GRIK2: variants seen among roughly 807,000 people sequenced by gnomAD.
The protein encoded by GRIK2 is glutamate receptor ionotropic, kainate 2.
In GRIK2, 32 loss-of-function variants were observed where a neutral mutation model predicts 100.3. That is an observed-to-expected ratio of 0.32 (90% confidence interval 0.24 to 0.43). The LOEUF is 0.43. Among genes scored for constraint, GRIK2 ranks in the 20% least tolerant of loss-of-function variants. The probability of loss-of-function intolerance (pLI) is 1.00; values close to 1 mark genes in which losing one functional copy is unlikely to be tolerated. For synonymous variants in GRIK2, 417 were observed against 389.4 expected (o/e 1.07, Z -0.83); for missense variants, 843 against 1,114.9 (o/e 0.76, Z 3.47).
chr6:101,598,043 G>T (rs1220909330), intron 2 of GRIK2, among the ~76,000 whole-genome samples: 1 of 151,746 alleles, frequency 6.6e-6, no homozygotes, highest in Admixed American at 6.6e-5. Flanking sequence ...AGTTATGACA[G>T]AATGTACTGA....
At chr6:101,743,759 A>G (rs1583058993) in intron 7 of GRIK2, among the ~76,000 whole-genome samples, 1 of 152,286 alleles carries the variant, frequency 6.6e-6, no homozygotes, top group Admixed American at 6.5e-5. Context: ...TAAAAATTTC[A>G]GATACTTAAA....
intron 7 of GRIK2, among the ~76,000 whole-genome samples, chr6:101,689,827 T>A (rs1185242522): frequency 1.3e-5 from 2 of 152,150 alleles, no homozygotes; most frequent in African/African-American, 4.8e-5. Flanking sequence ...ATTGTAAAAC[T>A]CTTTCCATAC....
At chr6:101,551,810 T>C (rs1776523619) in intron 2 of GRIK2, among the ~76,000 whole-genome samples, 1 of 152,162 alleles carries the variant, frequency 6.6e-6, no homozygotes, top group African/African-American at 2.4e-5. Context: ...AATTCTATCT[T>C]GTCACAAAAG....
intron 14 of GRIK2, among the ~76,000 whole-genome samples, chr6:102,020,318 G>A (rs1220750908): frequency 6.6e-6 from 1 of 151,816 alleles, no homozygotes; most frequent in East Asian, 1.9e-4. Context: ...ATAGCTTTAG[G>A]GTTCACTGCA....
chr6:101,874,416 G>A (rs1355101536), intron 11 of GRIK2, among the ~76,000 whole-genome samples: 6 of 151,994 alleles, frequency 3.9e-5, no homozygotes, highest in Non-Finnish European at 8.8e-5. Context: ...TTGATGTGTG[G>A]TATTATTTGT....
chr6:101,498,809 T>G lies in GRIK2; in HGVS notation c.115+99417T>G, dbSNP rs192386842. Among the ~76,000 whole-genome samples, 923 of 152,290 alleles carry G rather than the reference T, an allele frequency of 6.1e-3. 8 individuals are homozygous for G. The highest frequency in any genetic ancestry group is 0.021 in the African/African-American group (886 of 41,562). ...GTAGATTGCAAAAATTGTCTCCCAT[T>G]TTGTAGGTTGCCTGTTCACTCTGAT... On this transcript the variant is annotated intron_variant, in intron 2 of 16. Transcript: ENST00000369134.
chr6:101,405,830 T>C (rs1191873189), intron 2 of GRIK2, among the ~76,000 whole-genome samples: 1 of 152,200 alleles, frequency 6.6e-6, no homozygotes, highest in Non-Finnish European at 1.5e-5. Context: ...CGACTCAGAG[T>C]TGTCAGTTCC....
intron 2 of GRIK2, among the ~76,000 whole-genome samples, chr6:101,533,912 G>A (rs1469468187): frequency 2.0e-5 from 3 of 151,796 alleles, no homozygotes; most frequent in African/African-American, 2.4e-5. Context: ...TATTTATTTT[G>A]CATTTGTCTT....
At chr6:101,758,929 A>G (rs1777309740) in intron 7 of GRIK2, among the ~76,000 whole-genome samples, 1 of 152,192 alleles carries the variant, frequency 6.6e-6, no homozygotes, top group African/African-American at 2.4e-5. Flanking sequence ...GAGTAAAACT[A>G]TACTACTAAA....
At chr6:101,836,659 ATATTTTTT>A (rs1216856725) in intron 10 of GRIK2, among the ~76,000 whole-genome samples, 1 of 60,214 alleles carries the variant, frequency 1.7e-5, no homozygotes, top group Non-Finnish European at 3.2e-5. Context: ...ATATATATAT[ATATTTTTT>A]TTTTTTTTTT....
intron 12 of GRIK2, among the ~76,000 whole-genome samples, chr6:101,908,787 T>C (rs1249989149): frequency 6.5e-5 from 3 of 45,936 alleles, no homozygotes; most frequent in Non-Finnish European, 1.2e-4. Flanking sequence ...AATGGAGATA[T>C]AATGTTCATA....
chr6:101,987,015 C>T (rs1419047374), intron 14 of GRIK2, among the ~76,000 whole-genome samples: 2 of 151,586 alleles, frequency 1.3e-5, no homozygotes, highest in African/African-American at 2.4e-5. Context: ...TGGTGGCACG[C>T]AACTGTAGAC....
intron 12 of GRIK2, among the ~76,000 whole-genome samples, chr6:101,908,646 T>A (rs1172145786): frequency 6.6e-6 from 1 of 151,312 alleles, no homozygotes; most frequent in Non-Finnish European, 1.5e-5. Context: ...TATAAAATAA[T>A]GTAGGCTAAT....
At chr6:101,547,078 G>T (rs559002838) in intron 2 of GRIK2, among the ~76,000 whole-genome samples, 1 of 151,768 alleles carries the variant, frequency 6.6e-6, no homozygotes, top group South Asian at 2.1e-4. Context: ...TGATCCGCCC[G>T]CCTCGGCCTC....
Position 101,667,193 on chromosome 6 carries a change from C to T in GRIK2, c.542-9430C>T, listed in dbSNP as rs185431794. On this transcript the variant is annotated intron_variant, in intron 4 of 16. Transcript: ENST00000369134. ...GTTTCAGCCGCTCTCCATGACTTAC[C>T]TACAAAAGGGTGTCTAGTTAGTGAC... is the stretch of plus-strand genomic sequence containing the variant. 3.0e-4 allele frequency among the ~76,000 whole-genome samples: 45 copies of T among 152,152 alleles called. No individual in the cohort carries two copies. In the East Asian group the frequency reaches 7.4e-3, roughly 25 times the overall value.
At chr6:101,565,959 A>ATAT (rs71547433) in intron 2 of GRIK2, among the ~76,000 whole-genome samples, 59 of 143,360 alleles carry the variant, frequency 4.1e-4, no homozygotes, top group East Asian at 1.2e-3. Flanking sequence ...ATATATATAT[A>ATAT]AGCAAACTAG....
intron 14 of GRIK2, among the ~76,000 whole-genome samples, chr6:101,945,637 T>C (rs1180665691): frequency 1.3e-5 from 2 of 152,186 alleles, no homozygotes; most frequent in Non-Finnish European, 2.9e-5. Context: ...ATAAGTTTAC[T>C]ACTATTTTGT....
chr6:101,649,326 T>C (rs756887824), intron 4 of GRIK2, among the ~76,000 whole-genome samples: 5 of 152,048 alleles, frequency 3.3e-5, no homozygotes, highest in South Asian at 2.1e-4. Flanking sequence ...ACAGAGAGCA[T>C]TGAAGAAGTA....
intron 2 of GRIK2, among the ~76,000 whole-genome samples, chr6:101,563,097 G>T (rs1196487402): frequency 1.3e-5 from 2 of 152,042 alleles, no homozygotes; most frequent in African/African-American, 4.8e-5. Context: ...TGATTATTTT[G>T]CCTGCTCCTG....
Sources: gnomAD v4.1 joint callset for allele counts (sites outside exome capture counted in the v4.1 genomes callset) on GRCh38, gnomAD v4.1.1 for gene constraint, MANE v1.5 for transcripts, NCBI Gene and HGNC (gene_info 2026-07-23, HGNC 2026-07-21) for gene names.